CTNND2: variants seen among roughly 807,000 people sequenced by gnomAD.
The protein encoded by CTNND2 is catenin delta 2, also known as catenin delta-2.
A neutral mutation model predicts 144.4 loss-of-function variants in CTNND2; 22 were observed. The ratio of observed to expected loss-of-function variants is 0.15; its 90% confidence interval spans 0.11 to 0.22. CTNND2 has a LOEUF of 0.22. Among genes scored for constraint, CTNND2 ranks in the 10% least tolerant of loss-of-function variants. CTNND2 has a pLI of 1.00. For synonymous variants in CTNND2, 751 were observed against 695.6 expected (o/e 1.08, Z -1.25); for missense variants, 1,353 against 1,618.8 (o/e 0.84, Z 2.82).
chr5:11,334,786 C>A (rs1753570749), intron 9 of CTNND2, among the ~76,000 whole-genome samples: 1 of 152,192 alleles, frequency 6.6e-6, no homozygotes, highest in South Asian at 2.1e-4. Flanking sequence ...TTCCAAACTC[C>A]TTCATGTGGA....
intron 3 of CTNND2, among the ~76,000 whole-genome samples, chr5:11,469,905 T>C (rs937051228): frequency 2.0e-5 from 3 of 152,168 alleles, no homozygotes; most frequent in Non-Finnish European, 4.4e-5. Flanking sequence ...GTCTCACTGC[T>C]GTTGCCTTCG....
intron 1 of CTNND2, among the ~76,000 whole-genome samples, chr5:11,821,154 T>C (rs909618760): frequency 6.6e-5 from 10 of 152,208 alleles, no homozygotes; most frequent in African/African-American, 1.9e-4. Flanking sequence ...ATATCCAATA[T>C]AAACTTAGGT....
At position 11,562,465 on chromosome 5, in the gene CTNND2, G is replaced by C. The variant is rs187337274; in HGVS notation, c.287+2479C>G. 6.6e-5 allele frequency among the ~76,000 whole-genome samples: 10 copies of C among 152,338 alleles called. No homozygotes were observed. The East Asian group carries it at 1.5e-3, about 24-fold the overall frequency. ...GTGGAAGTGATGCTATGCATCAACT[G>C]TTCTCCAGAGAAGTATCAATAAATT... On this transcript the variant is annotated intron_variant, in intron 3 of 21. Transcript: ENST00000304623.
chr5:11,192,341 C>G (rs1006246432), intron 11 of CTNND2, among the ~76,000 whole-genome samples: 1 of 152,166 alleles, frequency 6.6e-6, no homozygotes, highest in Non-Finnish European at 1.5e-5. Context: ...TCCATGTGCT[C>G]ACTTCCCTCA....
At chr5:11,881,671 T>C (rs571479329) in intron 1 of CTNND2, among the ~76,000 whole-genome samples, 10 of 152,230 alleles carry the variant, frequency 6.6e-5, no homozygotes, top group African/African-American at 2.4e-4. Context: ...ATATCATATA[T>C]TGTTTATTGT....
chr5:11,709,830 T>C (rs567550311), intron 2 of CTNND2, among the ~76,000 whole-genome samples: 17 of 152,192 alleles, frequency 1.1e-4, no homozygotes, highest in Non-Finnish European at 2.4e-4. Flanking sequence ...TAAATTATCG[T>C]ATAGTGAAAT....
At chr5:11,422,043 A>C (rs1427630024) in intron 3 of CTNND2, among the ~76,000 whole-genome samples, 1 of 152,220 alleles carries the variant, frequency 6.6e-6, no homozygotes, top group African/African-American at 2.4e-5. Context: ...ACAAAAGTTA[A>C]GCTATCATTA....
chr5:11,110,402 T>C (rs972125543), intron 14 of CTNND2, among the ~76,000 whole-genome samples: 7 of 152,218 alleles, frequency 4.6e-5, no homozygotes, highest in Admixed American at 2.0e-4. Flanking sequence ...AGTGTGAGAC[T>C]GAAAATCTAA....
intron 2 of CTNND2, among the ~76,000 whole-genome samples, chr5:11,626,942 A>G (rs1278613681): frequency 6.6e-6 from 1 of 151,996 alleles, no homozygotes; most frequent in African/African-American, 2.4e-5. Flanking sequence ...AGGCTCTCTC[A>G]CTCTTTCTGC....
intron 11 of CTNND2, among the ~76,000 whole-genome samples, chr5:11,164,414 C>T (rs755685659): frequency 3.3e-5 from 5 of 152,192 alleles, no homozygotes; most frequent in African/African-American, 4.8e-5. Context: ...TCAGGCCTTT[C>T]TCTAAATCTC....
At chr5:11,615,966 T>C (rs552968530) in intron 2 of CTNND2, among the ~76,000 whole-genome samples, 1 of 152,338 alleles carries the variant, frequency 6.6e-6, no homozygotes, top group Admixed American at 6.5e-5. Context: ...TCTATCTCCA[T>C]GATGGCCAAG....
intron 1 of CTNND2, among the ~76,000 whole-genome samples, chr5:11,839,068 G>T (rs1184821820): frequency 6.6e-6 from 1 of 152,112 alleles, no homozygotes; most frequent in Non-Finnish European, 1.5e-5. Flanking sequence ...TTTGTCATCT[G>T]CACAATTTTG....
intron 1 of CTNND2, among the ~76,000 whole-genome samples, chr5:11,832,532 CAGTT>C (rs778705844): frequency 2.6e-5 from 4 of 152,126 alleles, no homozygotes; most frequent in Non-Finnish European, 5.9e-5. Context: ...AGAAGAGAGA[CAGTT>C]AGAAAATAGA....
intron 1 of CTNND2, among the ~76,000 whole-genome samples, chr5:11,888,316 A>G (rs1390806769): frequency 3.3e-5 from 5 of 152,220 alleles, no homozygotes. Context: ...AGAATGGTTG[A>G]CGAAGATAAG....
chr5:11,419,020 G>T (rs969554532), intron 3 of CTNND2, among the ~76,000 whole-genome samples: 1 of 129,024 alleles, frequency 7.8e-6, no homozygotes, highest in Non-Finnish European at 1.7e-5. Context: ...CTATATAGAT[G>T]TCTATCTATA....
chr5:11,431,602 A>G (rs1298590204), intron 3 of CTNND2, among the ~76,000 whole-genome samples: 1 of 152,174 alleles, frequency 6.6e-6, no homozygotes, highest in African/African-American at 2.4e-5. Flanking sequence ...TACTCTGCTG[A>G]CAACCATGCT....
At chr5:11,398,079 G>A (rs1481973724) in intron 5 of CTNND2, among the ~76,000 whole-genome samples, 2 of 152,150 alleles carry the variant, frequency 1.3e-5, no homozygotes, top group Non-Finnish European at 2.9e-5. Context: ...GTGTTTGAGA[G>A]GGGCTGGGGT....
chr5:11,098,996 CAGA>C (rs1452022462), intron 14 of CTNND2, among the ~76,000 whole-genome samples: 4 of 151,976 alleles, frequency 2.6e-5, no homozygotes, highest in South Asian at 2.1e-4. Flanking sequence ...ATGTAACTGG[CAGA>C]AGAAGTGGAT....
At chr5:11,181,970 ATG>A (rs1200636175) in intron 11 of CTNND2, among the ~76,000 whole-genome samples, 1 of 80,918 alleles carries the variant, frequency 1.2e-5, no homozygotes, top group East Asian at 4.4e-4. Context: ...TCTGTGTAGT[ATG>A]TGTGTGGTGT....
Sources: allele counts gnomAD v4.1 joint callset (sites outside exome capture counted in the v4.1 genomes callset), GRCh38; gene constraint gnomAD v4.1.1; transcripts MANE v1.5; gene names NCBI Gene and HGNC (gene_info 2026-07-23, HGNC 2026-07-21).